The following EBF1 variants were observed in gnomAD, a reference collection of about 807,000 sequenced individuals.
The protein encoded by EBF1 is transcription factor COE1.
A neutral mutation model predicts 68.4 loss-of-function variants in EBF1; 10 were observed. The ratio of observed to expected loss-of-function variants is 0.15; its 90% CI spans 0.09 to 0.25. The LOEUF (loss-of-function observed/expected upper bound fraction) is 0.25. Among genes scored for constraint, EBF1 ranks in the 10% least tolerant of loss-of-function variants. The probability of loss-of-function intolerance (pLI) is 1.00; values close to 1 mark genes in which losing one functional copy is unlikely to be tolerated. For missense variants in EBF1, 509 were observed against 794.4 expected (o/e 0.64, Z 4.32); for synonymous variants, 298 against 299.8 (o/e 0.99, Z 0.06).
intron 5 of EBF1, among the ~76,000 whole-genome samples, chr5:159,081,796 T>TA (rs2127974308): frequency 6.6e-6 from 1 of 152,342 alleles, no homozygotes; most frequent in South Asian, 2.1e-4. Context: ...GGATGCCCTT[T>TA]AATCAAATCT....
At chr5:159,081,950 G>C (rs999145023) in intron 5 of EBF1, among the ~76,000 whole-genome samples, 40 of 152,102 alleles carry the variant, frequency 2.6e-4, no homozygotes, top group African/African-American at 9.4e-4. Flanking sequence ...GAATTTCACA[G>C]AAAGAGCTCC....
intron 6 of EBF1, among the ~76,000 whole-genome samples, chr5:158,880,154 G>T (rs184440698): frequency 6.6e-6 from 1 of 152,148 alleles, no homozygotes; most frequent in Non-Finnish European, 1.5e-5. Flanking sequence ...CTCACAAAGC[G>T]CTGTCAAACT....
intron 15 of EBF1, among the ~76,000 whole-genome samples, chr5:158,702,842 G>C (rs1757059838): frequency 1.3e-5 from 2 of 150,544 alleles, no homozygotes; most frequent in South Asian, 4.2e-4. Context: ...CTGAATATGT[G>C]CATGGAAAAA....
At chr5:158,745,715 T>C (rs949040456) in intron 10 of EBF1, among the ~76,000 whole-genome samples, 13 of 152,204 alleles carry the variant, frequency 8.5e-5, no homozygotes, top group Non-Finnish European at 4.4e-5. Flanking sequence ...GTTGTCTAAA[T>C]GTAGAGGATA....
At chr5:158,857,625 T>G (rs1794291052) in intron 6 of EBF1, among the ~76,000 whole-genome samples, 1 of 152,198 alleles carries the variant, frequency 6.6e-6, no homozygotes, top group African/African-American at 2.4e-5. Context: ...CTTTCGTGCC[T>G]CAAGTAAGAC....
At chr5:158,736,264 C>T (rs886065979) in intron 10 of EBF1, among the ~76,000 whole-genome samples, 1 of 152,180 alleles carries the variant, frequency 6.6e-6, no homozygotes, top group African/African-American at 2.4e-5. Context: ...CCTCCGTCCC[C>T]GTTAACTTCT....
chr5:159,043,520 A>C (rs978640019), intron 6 of EBF1, among the ~76,000 whole-genome samples: 1 of 152,198 alleles, frequency 6.6e-6, no homozygotes, highest in Non-Finnish European at 1.5e-5. Context: ...CCACTGAATG[A>C]ATAAATGACC....
At chr5:159,088,762 T>C (rs1042002498) in intron 4 of EBF1, among the ~76,000 whole-genome samples, 6 of 152,222 alleles carry the variant, frequency 3.9e-5, no homozygotes, top group South Asian at 2.1e-4. Flanking sequence ...TGTGTTTATC[T>C]GAAGTGAAGA....
chr5:158,980,660 G>A (rs1158864385), intron 6 of EBF1, among the ~76,000 whole-genome samples: 1 of 152,218 alleles, frequency 6.6e-6, no homozygotes, highest in Non-Finnish European at 1.5e-5. Context: ...AAGGAAGAAT[G>A]GAGAGAAAAT....
At chr5:158,864,563 C>T (rs1795538135) in intron 6 of EBF1, among the ~76,000 whole-genome samples, 1 of 152,018 alleles carries the variant, frequency 6.6e-6, no homozygotes, top group Non-Finnish European at 1.5e-5. Context: ...AGAGCACTCT[C>T]CCTCCAACGA....
At chr5:158,794,591 G>T (rs934408460) in intron 9 of EBF1, among the ~76,000 whole-genome samples, 5 of 152,100 alleles carry the variant, frequency 3.3e-5, no homozygotes, top group African/African-American at 1.2e-4. Flanking sequence ...TTCTCAAAGG[G>T]TCAGTAATTT....
chr5:159,094,219 TATCCTATGCA>T, intron 4 of EBF1, among the ~76,000 whole-genome samples: 1 of 133,924 alleles, frequency 7.5e-6, no homozygotes, highest in Admixed American at 7.4e-5. Context: ...GAAAGTGAAT[TATCCTATGCA>T]ATTATTAAAT....
chr5:158,982,780 A>G (rs180777494), intron 6 of EBF1, among the ~76,000 whole-genome samples: 1 of 131,422 alleles, frequency 7.6e-6, no homozygotes, highest in African/African-American at 2.9e-5. Context: ...AAAGCAAAAG[A>G]TATATATATA....
intron 6 of EBF1, among the ~76,000 whole-genome samples, chr5:158,908,731 G>A (rs957285410): frequency 5.3e-5 from 8 of 152,242 alleles, no homozygotes; most frequent in Non-Finnish European, 7.3e-5. Flanking sequence ...TTAATTGGGT[G>A]TTCCAACTGG....
At position 159,099,341 on chromosome 5, in the gene EBF1, C is replaced by T. The variant is rs775923948; in HGVS notation, c.134+4G>A. On this transcript the variant is annotated splice_donor_region_variant and intron_variant, in intron 1 of 15. Coordinates refer to ENST00000313708, the MANE Select transcript of EBF1 (RefSeq NM_024007.5). ...CTCGGCCGCGGTCCCCGCGCAGTAC[C>T]CACCTCTGCGCCGCCGTGTTGGCGT... The T allele has an allele frequency of 3.2e-6, 5 of 1,579,822 alleles. No homozygotes were observed. In the African/African-American group the frequency reaches 7.0e-5, roughly 22 times the overall value.
chr5:159,031,663 C>T (rs1285252476), intron 6 of EBF1, among the ~76,000 whole-genome samples: 1 of 152,144 alleles, frequency 6.6e-6, no homozygotes, highest in Non-Finnish European at 1.5e-5. Flanking sequence ...ATCGAAAGGT[C>T]GCAAACTCAC....
At chr5:159,007,525 C>T (rs374006235) in intron 6 of EBF1, among the ~76,000 whole-genome samples, 85 of 152,274 alleles carry the variant, frequency 5.6e-4, no homozygotes, top group African/African-American at 2.0e-3. Context: ...CCACTGAAAA[C>T]ACACTCTGTG....
At chr5:158,783,959 G>A (rs1776925392) in intron 9 of EBF1, among the ~76,000 whole-genome samples, 2 of 152,200 alleles carry the variant, frequency 1.3e-5, no homozygotes, top group African/African-American at 2.4e-5. Flanking sequence ...GGCCCACATG[G>A]TAGGTAAATG....
At chr5:158,953,500 A>T (rs746523069) in intron 6 of EBF1, among the ~76,000 whole-genome samples, 2 of 152,200 alleles carry the variant, frequency 1.3e-5, no homozygotes, top group Non-Finnish European at 2.9e-5. Context: ...CACAAGTTCA[A>T]ATCTCAGTAA....
Sources: allele counts gnomAD v4.1 joint callset (sites outside exome capture counted in the v4.1 genomes callset), GRCh38; gene constraint gnomAD v4.1.1; transcripts MANE v1.5; gene names NCBI Gene and HGNC (gene_info 2026-07-23, HGNC 2026-07-21).